MEF2C: variants seen among roughly 807,000 people sequenced by gnomAD.
MEF2C encodes myocyte-specific enhancer factor 2C.
MEF2C carries 6 observed loss-of-function variants against 50.5 expected under a neutral mutation model. That is an observed-to-expected ratio of 0.12 (90% CI 0.07 to 0.23). MEF2C has a LOEUF of 0.23. MEF2C is among the 10% of genes least tolerant of loss of function. MEF2C has a pLI of 1.00. For synonymous variants in MEF2C, 183 were observed against 228.0 expected (o/e 0.80, Z 1.78); for missense variants, 276 against 605.0 (o/e 0.46, Z 5.70).
chr5:88,729,072 C>T (rs913401217), intron 9 of MEF2C, 146 bp downstream of exon 9: 1 of 813,704 alleles, frequency 1.2e-6, no homozygotes, highest in Non-Finnish European at 1.8e-6. Context: ...TTCACTTTGT[C>T]TTAGTGAAGA....
chr5:88,799,260 A>G (rs1046669886), intron 3 of MEF2C, among the ~76,000 whole-genome samples: 1 of 152,168 alleles, frequency 6.6e-6, no homozygotes, highest in African/African-American at 2.4e-5. Flanking sequence ...CCCTTCCCCT[A>G]GGTGCTCTGT....
intron 1 of MEF2C, chr5:88,843,262 T>C: frequency 2.4e-6 from 2 of 839,066 alleles, no homozygotes; most frequent in Non-Finnish European, 2.9e-6. Flanking sequence ...TATTTCTATT[T>C]GGGTATCTTA....
intron 1 of MEF2C, among the ~76,000 whole-genome samples, chr5:88,888,572 C>T (rs1267412697): frequency 6.6e-6 from 1 of 152,218 alleles, no homozygotes; most frequent in East Asian, 1.9e-4. Context: ...CTTGTAGTCA[C>T]TACCAAGTGA....
intron 1 of MEF2C, among the ~76,000 whole-genome samples, chr5:88,900,681 C>G (rs1411367852): frequency 6.6e-6 from 1 of 151,882 alleles, no homozygotes; most frequent in African/African-American, 2.4e-5. Flanking sequence ...AATTTGGTGA[C>G]TGAAAAGGGT....
At chr5:88,866,499 G>GA (rs1487702719) in intron 1 of MEF2C, among the ~76,000 whole-genome samples, 1 of 152,034 alleles carries the variant, frequency 6.6e-6, no homozygotes, top group Non-Finnish European at 1.5e-5. Context: ...ATACTTTTAT[G>GA]AAAAAACAAG....
chr5:88,757,577 C>T lies in MEF2C; in HGVS notation c.402+3608G>A, dbSNP rs144323558. On this transcript the variant is annotated intron_variant, in intron 4 of 10. Transcript: ENST00000504921. ...TTCTCGGTCCTTTTTCAATCACCTGCTTCCCCCTTCCCTAATTAACTACAG... is the reference window on the plus strand; with the variant it reads ...TTCTCGGTCCTTTTTCAATCACCTGTTTCCCCCTTCCCTAATTAACTACAG... Among the ~76,000 whole-genome samples, 7 of 152,260 alleles carry T rather than the reference C, an allele frequency of 4.6e-5. No individual in the cohort carries two copies. The East Asian group carries it at 1.4e-3, about 29-fold the overall frequency.
At chr5:88,744,702 T>C (rs1768515022) in intron 6 of MEF2C, among the ~76,000 whole-genome samples, 1 of 152,266 alleles carries the variant, frequency 6.6e-6, no homozygotes. Context: ...TAATGTATTA[T>C]AATGACTTGC....
chr5:88,733,716 A>G, intron 6 of MEF2C: 1 of 985,328 alleles, frequency 1.0e-6, no homozygotes, highest in South Asian at 4.7e-5. Flanking sequence ...TGAATATATA[A>G]CAAATAACTA....
chr5:88,737,318 T>A, intron 6 of MEF2C: 8 of 985,410 alleles, frequency 8.1e-6, no homozygotes, highest in Non-Finnish European at 8.4e-6. Context: ...ATCATGTAAG[T>A]GCCCACCTAC....
chr5:88,898,239 T>A (rs1380332454), intron 1 of MEF2C, among the ~76,000 whole-genome samples: 1 of 152,240 alleles, frequency 6.6e-6, no homozygotes, highest in Non-Finnish European at 1.5e-5. Context: ...ACAAATATTC[T>A]GCCTGTTGAA....
At chr5:88,734,028 A>G in intron 6 of MEF2C, 1 of 985,248 alleles carries the variant, frequency 1.0e-6, no homozygotes, top group Non-Finnish European at 1.2e-6. Context: ...TCTCACTAGA[A>G]GAAAAAAACA....
Position 88,722,071 on chromosome 5 carries a change from A to G in MEF2C, c.*533T>C, listed in dbSNP as rs930654371. The G allele has an allele frequency of 1.3e-5, 2 of 153,128 alleles. No homozygotes were observed. The highest frequency in any genetic ancestry group is 2.9e-5 in the Non-Finnish European group (2 of 68,482). 9.5% of individuals were successfully genotyped at this position (153,128 alleles called of 1,614,324 possible). On this transcript the variant is annotated 3_prime_UTR_variant, in exon 11 of 11. Coordinates refer to ENST00000504921, the MANE Select transcript of MEF2C (RefSeq NM_002397.5). ...TCTCTGATCCTTTTTAATGAGTGCC[A>G]TACGCCAATGATATGCCTGCAGGTT... is the stretch of plus-strand genomic sequence containing the variant.
intron 2 of MEF2C, among the ~76,000 whole-genome samples, chr5:88,812,441 AT>A (rs1321167375): frequency 1.3e-5 from 2 of 151,978 alleles, no homozygotes; most frequent in Non-Finnish European, 2.9e-5. Context: ...GTTTTATTTT[AT>A]TTTTTTGTCA....
chr5:88,823,918 G>C lies in MEF2C; in HGVS notation c.-130C>G. 1 of 1,459,250 alleles carries C rather than the reference G, an allele frequency of 6.9e-7. No homozygotes were observed. Among genetic ancestry groups the C allele is most frequent in the Non-Finnish European group, 9.1e-7 (1 of 1,103,336 alleles). The allele number at this position is 1,459,250 out of a possible 1,614,324, so 90.4% of individuals were successfully genotyped here. ...TGCACAGCTCAGTTCCCAAATTCCT[G>C]CATTCGTTCCTGCTGAACAAAAAAG... On this transcript the variant is annotated 5_prime_UTR_variant, in exon 2 of 11. Coordinates refer to ENST00000504921, the MANE Select transcript of MEF2C (RefSeq NM_002397.5).
chr5:88,764,762 C>G (rs569580565), intron 3 of MEF2C, among the ~76,000 whole-genome samples: 1 of 124,900 alleles, frequency 8.0e-6, no homozygotes, highest in African/African-American at 3.0e-5. Flanking sequence ...GAGCCGAGAT[C>G]ACACCACTGC....
At chr5:88,740,176 A>G in intron 6 of MEF2C, 1 of 984,674 alleles carries the variant, frequency 1.0e-6, no homozygotes, top group Non-Finnish European at 1.2e-6. Flanking sequence ...CAGGAATTTC[A>G]TATCTAGCCT....
intron 3 of MEF2C, among the ~76,000 whole-genome samples, chr5:88,787,491 G>C (rs547867660): frequency 6.6e-6 from 1 of 152,278 alleles, no homozygotes; most frequent in East Asian, 1.9e-4. Flanking sequence ...CTCGCCCTCC[G>C]TTAGAGAATG....
chr5:88,825,456 TGCTCATCAAAAACTATTGCTCCA>T (rs1393572622), intron 1 of MEF2C: 1 of 978,616 alleles, frequency 1.0e-6, no homozygotes, highest in Non-Finnish European at 1.2e-6. Flanking sequence ...GACCACACAG[TGCTCATCAAAAACTATTGCTCCA>T]GCTGTAATTT....
intron 1 of MEF2C, among the ~76,000 whole-genome samples, chr5:88,844,446 T>A (rs1386627070): frequency 2.0e-5 from 3 of 152,214 alleles, no homozygotes; most frequent in Non-Finnish European, 4.4e-5. Context: ...GACATACATA[T>A]ATCAAATTCA....
Sources: gnomAD v4.1 joint callset for allele counts (sites outside exome capture counted in the v4.1 genomes callset) on GRCh38, gnomAD v4.1.1 for gene constraint, MANE v1.5 for transcripts, NCBI Gene and HGNC (gene_info 2026-07-23, HGNC 2026-07-21) for gene names.